The following ESRRB variants were observed in gnomAD, a reference collection of about 807,000 sequenced individuals.
The protein encoded by ESRRB is estrogen related receptor beta, also known as steroid hormone receptor ERR2.
In ESRRB, 16 loss-of-function variants were observed where a neutral mutation model predicts 46.0. The ratio of observed to expected loss-of-function variants is 0.35; its 90% CI spans 0.24 to 0.53. The LOEUF (loss-of-function observed/expected upper bound fraction) is 0.53. Among genes scored for constraint, ESRRB ranks in the 20% least tolerant of loss-of-function variants. ESRRB has a pLI of 0.93. For synonymous variants in ESRRB, 246 were observed against 259.6 expected (o/e 0.95, Z 0.50); for missense variants, 488 against 607.4 (o/e 0.80, Z 2.07).
intron 5 of ESRRB, among the ~76,000 whole-genome samples, chr14:76,485,626 T>TGAGAGAGA (rs151021182): frequency 0.014 from 2,048 of 143,800 alleles, 20 homozygotes; most frequent in East Asian, 0.061. Flanking sequence ...TCCCTATCCC[T>TGAGAGAGA]GAGAGAGAGA....
rs1064436 is a variant in ESRRB, at chr14:76,439,422, G to A, written c.132G>A (p.Pro44=). The stretch of plus-strand genomic sequence containing the variant: ...TCATCAAGACTGAGCCGTCCAGCCC[G>A]TCCTCGGGCATCGATGCCCTCAGCC... ...GSFIKTEPSS[P]SSGIDALSHH... Residue 44 remains proline, a synonymous_variant, in exon 2 of 7, where the codon CCG becomes CCA. Coordinates refer to ENST00000644823, the MANE Select transcript of ESRRB (RefSeq NM_001379180.1). 9 of 1,613,354 alleles carry A rather than the reference G, an allele frequency of 5.6e-6. No homozygotes were observed. The highest frequency in any genetic ancestry group is 2.7e-5 in the African/African-American group (2 of 74,940).
In ESRRB at chr14:76,425,478, C is replaced by A. The variant is rs527490261; in HGVS notation, c.51-13863C>A. On this transcript the variant is annotated intron_variant, in intron 1 of 6. Coordinates refer to ENST00000644823, the MANE Select transcript of ESRRB (RefSeq NM_001379180.1). ...TGAGGTCCTGGCCTGCCTGAGCGCC[C>A]CTGGCTGTGTGGGGGTTCTGCCTGC... Among the ~76,000 whole-genome samples, 38 of 152,024 alleles carry A rather than the reference C, an allele frequency of 2.5e-4. 1 individual carries two copies. The East Asian group carries it at 7.2e-3, about 29-fold the overall frequency.
At chr14:76,469,157 C>T (rs1889252736) in intron 3 of ESRRB, among the ~76,000 whole-genome samples, 1 of 151,926 alleles carries the variant, frequency 6.6e-6, no homozygotes, top group African/African-American at 2.4e-5. Flanking sequence ...GCAGTGGTGC[C>T]ATCTCTGTTC....
chr14:76,392,306 G>C (rs12588092), intron 1 of ESRRB, among the ~76,000 whole-genome samples: 49,314 of 152,128 alleles, frequency 0.32, 8,221 homozygotes, highest in African/African-American at 0.37. Context: ...CAGGGTTCCT[G>C]GGCTCTAAGG....
chr14:76,381,449 C>T (rs543827742), intron 1 of ESRRB, among the ~76,000 whole-genome samples: 3 of 152,172 alleles, frequency 2.0e-5, no homozygotes, highest in Non-Finnish European at 4.4e-5. Flanking sequence ...GGGAGAGATC[C>T]GTAGTTGGGA....
At chr14:76,461,976 C>T (rs1463858564) in intron 2 of ESRRB, among the ~76,000 whole-genome samples, 1 of 152,234 alleles carries the variant, frequency 6.6e-6, no homozygotes, top group African/African-American at 2.4e-5. Flanking sequence ...TAGATTATCT[C>T]ACTGTTTTGA....
At chr14:76,458,425 G>GACACACACACAC (rs58562150) in intron 2 of ESRRB, among the ~76,000 whole-genome samples, 3 of 134,938 alleles carry the variant, frequency 2.2e-5, no homozygotes, top group Admixed American at 1.5e-4. Context: ...CTCTCTCTCT[G>GACACACACACAC]ACACACACAC....
At chr14:76,401,462 A>G (rs1341477442) in intron 1 of ESRRB, among the ~76,000 whole-genome samples, 3 of 152,224 alleles carry the variant, frequency 2.0e-5, no homozygotes, top group African/African-American at 7.2e-5. Flanking sequence ...CAGGGGAAAC[A>G]GCTTCCTGGG....
intron 1 of ESRRB, among the ~76,000 whole-genome samples, chr14:76,435,792 T>C (rs770269424): frequency 1.3e-5 from 2 of 152,166 alleles, no homozygotes; most frequent in African/African-American, 2.4e-5. Flanking sequence ...GATCACGCCA[T>C]TGCATTCTAG....
chr14:76,482,180 C>A lies in ESRRB; in HGVS notation c.688+54C>A. ...TTGCCAGCATCTGTACCTGGAACATCAGGCATCCCTTAGGGAAACATCATC... is the reference window on the plus strand; with the variant it reads ...TTGCCAGCATCTGTACCTGGAACATAAGGCATCCCTTAGGGAAACATCATC... On this transcript the variant is annotated intron_variant, in intron 4 of 6. Coordinates refer to ENST00000644823, the MANE Select transcript of ESRRB (RefSeq NM_001379180.1). The surrounding 1 kb of genome is among the most constrained non-coding windows in gnomAD (Gnocchi z 4.3). The A allele has an allele frequency of 7.6e-7, 1 of 1,312,968 alleles. No individual in the cohort carries two copies. The highest frequency in any genetic ancestry group is 1.1e-6 in the Non-Finnish European group (1 of 907,608). The allele number at this position is 1,312,968 out of a possible 1,614,324, so 81.3% of individuals were successfully genotyped here. A position where few individuals can be genotyped will look rare whatever the true frequency, so the allele number is the denominator to read the frequency against.
intron 5 of ESRRB, among the ~76,000 whole-genome samples, chr14:76,491,204 T>G (rs1468208781): frequency 1.2e-4 from 19 of 152,194 alleles, no homozygotes; most frequent in Non-Finnish European, 2.8e-4. Context: ...ACAACAACTG[T>G]CAACATTGAC....
At chr14:76,457,716 G>A (rs1487077888) in intron 2 of ESRRB, among the ~76,000 whole-genome samples, 2 of 152,162 alleles carry the variant, frequency 1.3e-5, no homozygotes, top group African/African-American at 4.8e-5. Flanking sequence ...ATCTTGCTCT[G>A]TCACCCAGGC....
Position 76,469,284 on chromosome 14 carries a change from A to G in ESRRB, c.577+6623A>G, listed in dbSNP as rs1415685765. On this transcript the variant is annotated intron_variant, in intron 3 of 6. Coordinates refer to ENST00000644823, the MANE Select transcript of ESRRB (RefSeq NM_001379180.1). ...AAGTTTTTGTATTTTTAGTAGAGACAGGGTTTCACCATGTTGGTCAGGCTG... is the reference window on the plus strand; with the variant it reads ...AAGTTTTTGTATTTTTAGTAGAGACGGGGTTTCACCATGTTGGTCAGGCTG... Among the ~76,000 whole-genome samples the G allele has an allele frequency of 2.0e-5, 3 of 152,064 alleles. No individual in the cohort carries two copies. In the East Asian group the frequency reaches 5.8e-4, roughly 29 times the overall value.
chr14:76,461,454 T>C (rs1428400408), intron 2 of ESRRB, among the ~76,000 whole-genome samples: 2 of 145,690 alleles, frequency 1.4e-5, no homozygotes, highest in African/African-American at 5.2e-5. Context: ...TAAAAGAGCA[T>C]GGGTTGGGTT....
intron 2 of ESRRB, among the ~76,000 whole-genome samples, chr14:76,445,342 A>G (rs1256282587): frequency 2.7e-5 from 4 of 149,994 alleles, no homozygotes; most frequent in Middle Eastern, 3.6e-3. Context: ...GTGGTGGCGC[A>G]TGCCTGTAAT....
intron 1 of ESRRB, among the ~76,000 whole-genome samples, chr14:76,384,645 G>A (rs1186168506): frequency 2.0e-5 from 3 of 152,094 alleles, no homozygotes; most frequent in Non-Finnish European, 4.4e-5. Context: ...CACTACTGCC[G>A]GCTTCTATGC....
At chr14:76,494,135 C>A (rs935521464) in intron 6 of ESRRB, among the ~76,000 whole-genome samples, 2 of 152,246 alleles carry the variant, frequency 1.3e-5, no homozygotes. Context: ...AAGGATGCCA[C>A]TTTTTTAGTT....
intron 3 of ESRRB, among the ~76,000 whole-genome samples, chr14:76,469,657 G>A (rs1201526078): frequency 1.3e-5 from 2 of 151,948 alleles, no homozygotes; most frequent in African/African-American, 4.8e-5. Context: ...TGACAGGGGT[G>A]GGTCACCACG....
At position 76,491,617 on chromosome 14, in the gene ESRRB, C is replaced by T. The variant is rs767567875; in HGVS notation, c.1021C>T (p.Leu341Phe). 11 of 1,584,498 alleles carry T rather than the reference C, an allele frequency of 6.9e-6. No individual in the cohort carries two copies. The highest frequency in any genetic ancestry group is 9.4e-6 in the Non-Finnish European group (11 of 1,166,332). ...EHSRLAGLLE[L>F]YRAILQLVRR... ...CTCCCGCCTCGCGGGGCTGCTGGAG[C>T]TCTACCGGGCCATCCTGCAGCTGGT... is the stretch of plus-strand genomic sequence containing the variant. The change falls in exon 6 of 7, where the codon CTC becomes TTC. Residue 341 changes from leucine (L) to phenylalanine (F), a missense_variant. By Grantham distance (22) the Leu-to-Phe change is conservative (BLOSUM62 0). Coordinates refer to ENST00000644823, the MANE Select transcript of ESRRB (RefSeq NM_001379180.1).
Sources: allele counts gnomAD v4.1 joint callset (sites outside exome capture counted in the v4.1 genomes callset), GRCh38; gene constraint gnomAD v4.1.1; non-coding constraint Gnocchi (gnomAD v3.1); transcripts MANE v1.5; gene names NCBI Gene and HGNC (gene_info 2026-07-23, HGNC 2026-07-21).